Variants in MYO3B observed in about 807,000 individuals in gnomAD.
MYO3B encodes the protein myosin IIIB.
Under a neutral mutation model 174.6 loss-of-function variants are expected in MYO3B, and 156 were observed. That is an observed-to-expected ratio of 0.89 (90% CI 0.78 to 1.02). MYO3B has a LOEUF of 1.02. MYO3B is among the 50% of genes least tolerant of loss of function. The pLI is 0.00. For synonymous variants in MYO3B, 563 were observed against 569.1 expected, an observed-to-expected ratio of 0.99 and a Z score of 0.15; for missense variants, 1,632 against 1,639.4, an observed-to-expected ratio of 1.00 and a Z score of 0.08.
chr2:170,532,606 A>G (rs1364194658), intron 30 of MYO3B, among the ~76,000 whole-genome samples: 1 of 152,094 alleles, frequency 6.6e-6, no homozygotes, highest in Non-Finnish European at 1.5e-5. Context: ...TGGGGTCAGG[A>G]GTTCGAGACC....
At position 170,520,504 on chromosome 2, in the gene MYO3B, C is replaced by G. The variant is rs549170265; in HGVS notation, c.3575+964C>G. 4.0e-5 allele frequency among the ~76,000 whole-genome samples: 6 copies of G among 151,434 alleles called. No homozygotes were observed. In the South Asian group the frequency reaches 1.3e-3, roughly 32 times the overall value. On this transcript the variant is annotated intron_variant, in intron 30 of 34. Transcript: ENST00000408978. ...ATATATATATACACACATATATACACACACACACATATATATATAATCTCA... is the reference window on the plus strand; with the variant it reads ...ATATATATATACACACATATATACAGACACACACATATATATATAATCTCA...
At chr2:170,521,504 T>C (rs1250515271) in intron 30 of MYO3B, among the ~76,000 whole-genome samples, 1 of 152,178 alleles carries the variant, frequency 6.6e-6, no homozygotes, top group Non-Finnish European at 1.5e-5. Flanking sequence ...ACCAGGACAG[T>C]GCTCTGAGCT....
intron 2 of MYO3B, 30 bp from the exon 3 acceptor site, chr2:170,200,120 A>G: frequency 6.2e-7 from 1 of 1,602,264 alleles, no homozygotes; most frequent in South Asian, 1.1e-5. Flanking sequence ...ATTAGATTTA[A>G]TCCAGCTTGC....
At chr2:170,248,701 G>C (rs6717673) in intron 7 of MYO3B, among the ~76,000 whole-genome samples, 24,516 of 152,102 alleles carry the variant, frequency 0.16, 2,102 homozygotes, top group African/African-American at 0.2. Flanking sequence ...ACTGTATCTT[G>C]TACCTCCCTC....
intron 7 of MYO3B, among the ~76,000 whole-genome samples, chr2:170,317,045 C>A (rs1262667318): frequency 6.6e-6 from 1 of 152,116 alleles, no homozygotes; most frequent in Non-Finnish European, 1.5e-5. Context: ...CTGCTATACT[C>A]ATCTTTGTAT....
chr2:170,366,897 T>C (rs958478580), intron 8 of MYO3B, among the ~76,000 whole-genome samples: 1 of 152,172 alleles, frequency 6.6e-6, no homozygotes, highest in African/African-American at 2.4e-5. Context: ...TAAGGCTGGA[T>C]GGAGTATGGG....
chr2:170,189,826 G>A (rs2092517014), intron 1 of MYO3B, among the ~76,000 whole-genome samples: 2 of 152,036 alleles, frequency 1.3e-5, no homozygotes, highest in South Asian at 4.1e-4. Context: ...CCCAGGATTG[G>A]TCCCTGGTAC....
chr2:170,192,162 C>G (rs1419931824), intron 1 of MYO3B, among the ~76,000 whole-genome samples: 2 of 152,040 alleles, frequency 1.3e-5, no homozygotes, highest in African/African-American at 4.8e-5. Flanking sequence ...TTGGAATTAT[C>G]TATTCTTTGA....
chr2:170,511,454 C>T (rs1037938711), intron 28 of MYO3B, among the ~76,000 whole-genome samples: 3 of 152,100 alleles, frequency 2.0e-5, no homozygotes, highest in Non-Finnish European at 2.9e-5. Context: ...AGGAATGATC[C>T]TAGAGGTGGA....
At chr2:170,523,797 C>T (rs1688827856) in intron 30 of MYO3B, among the ~76,000 whole-genome samples, 1 of 152,156 alleles carries the variant, frequency 6.6e-6, no homozygotes, top group Admixed American at 6.5e-5. Flanking sequence ...GGCTTCTTCT[C>T]AGGAGTCTCT....
intron 7 of MYO3B, among the ~76,000 whole-genome samples, chr2:170,268,373 A>T (rs2093400251): frequency 6.6e-6 from 1 of 152,218 alleles, no homozygotes; most frequent in South Asian, 2.1e-4. Context: ...AGAATAAAAG[A>T]TGAACTAAAA....
At chr2:170,546,036 A>C (rs1216252571) in intron 32 of MYO3B, among the ~76,000 whole-genome samples, 1 of 151,846 alleles carries the variant, frequency 6.6e-6, no homozygotes, top group Non-Finnish European at 1.5e-5. Flanking sequence ...GTGCTTCAGA[A>C]TCTCCAAACT....
chr2:170,271,936 G>A (rs928577812), intron 7 of MYO3B, among the ~76,000 whole-genome samples: 4 of 152,072 alleles, frequency 2.6e-5, no homozygotes, highest in African/African-American at 9.7e-5. Flanking sequence ...TCAGGTTTCA[G>A]TATATAATAA....
chr2:170,597,657 A>G (rs555116152), intron 32 of MYO3B, among the ~76,000 whole-genome samples: 1 of 152,166 alleles, frequency 6.6e-6, no homozygotes, highest in African/African-American at 2.4e-5. Flanking sequence ...AAAAAAGAAA[A>G]GATGGTCTCA....
chr2:170,405,698 T>G, intron 21 of MYO3B, 65 bp downstream of exon 21: 2 of 1,221,384 alleles, frequency 1.6e-6, no homozygotes, highest in Non-Finnish European at 2.4e-6. Context: ...TATTACCCTG[T>G]CTGTGCTGCT....
In MYO3B at chr2:170,549,027, T is replaced by G. The variant is rs145186208; in HGVS notation, c.3733+5039T>G. 6.5e-3 allele frequency among the ~76,000 whole-genome samples: 991 copies of G among 152,284 alleles called. 13 individuals are homozygous for G. Among genetic ancestry groups the G allele is most frequent in the African/African-American group, 0.022 (935 of 41,564 alleles). On this transcript the variant is annotated intron_variant, in intron 32 of 34. Coordinates refer to ENST00000408978, the MANE Select transcript of MYO3B (RefSeq NM_138995.5). ...TTTTAGGCAGTAAAAGAAGTGGGTT[T>G]GAGAGGGAGATCTGAGAAAATCCCC... is the stretch of plus-strand genomic sequence containing the variant.
Position 170,383,141 on chromosome 2 carries a change from C to G in MYO3B, c.1137C>G (p.Ile379Met). The G allele has an allele frequency of 6.2e-7, 1 of 1,613,262 alleles. No individual in the cohort carries two copies. Among genetic ancestry groups the G allele is most frequent in the Non-Finnish European group, 8.5e-7 (1 of 1,179,398 alleles). The change falls in exon 11 of 35, where the codon ATC becomes ATG. Residue 379 changes from isoleucine to methionine, a missense_variant. By Grantham distance (10) the Ile-to-Met change is conservative. Coordinates refer to ENST00000408978, the MANE Select transcript of MYO3B (RefSeq NM_138995.5). Reference protein sequence around the residue: ...DLLIYTYVGDILIALNPFQNL... With the variant: ...DLLIYTYVGDMLIALNPFQNL... Reference sequence around the variant, plus strand: ...TAATTTACACATATGTTGGAGACATCTTAATTGCCTTAAACCCCTTCCAGA... The same window carrying G: ...TAATTTACACATATGTTGGAGACATGTTAATTGCCTTAAACCCCTTCCAGA...
chr2:170,569,281 C>T (rs1404049075), intron 32 of MYO3B, among the ~76,000 whole-genome samples: 1 of 152,070 alleles, frequency 6.6e-6, no homozygotes, highest in Non-Finnish European at 1.5e-5. Flanking sequence ...ACTTTTGCAT[C>T]TCCCCAGAGC....
chr2:170,450,734 T>A lies in MYO3B; in HGVS notation c.2730+6688T>A, dbSNP rs145360899. 7.2e-3 allele frequency among the ~76,000 whole-genome samples: 1,103 copies of A among 152,330 alleles called. 20 individuals carry two copies. The highest frequency in any genetic ancestry group is 0.025 in the African/African-American group (1,027 of 41,570). On this transcript the variant is annotated intron_variant, in intron 23 of 34. Transcript: ENST00000408978. ...AAAATTTTATAAATTTATGCAGTTT[T>A]AATTAGTTTGACCATAAGGTAAGAT...
Sources: gnomAD v4.1 joint callset for allele counts (sites outside exome capture counted in the v4.1 genomes callset) on GRCh38, gnomAD v4.1.1 for gene constraint, MANE v1.5 for transcripts, NCBI Gene and HGNC (gene_info 2026-07-23, HGNC 2026-07-21) for gene names.